The following ANKDD1B variants were observed in gnomAD, a reference collection of about 807,000 sequenced individuals.
ANKDD1B encodes ankyrin repeat and death domain-containing protein 1B.
ANKDD1B carries 57 observed loss-of-function variants against 59.7 expected under a neutral mutation model. The observed-to-expected ratio is 0.95, with a 90% CI of 0.77 to 1.19. The LOEUF (loss-of-function observed/expected upper bound fraction) is 1.19, where lower values mean the gene tolerates loss of function less well. Among genes scored for constraint, ANKDD1B ranks in the 50% most tolerant of loss-of-function variants. ANKDD1B has a pLI of 0.00. For synonymous variants in ANKDD1B, 216 were observed against 239.5 expected (o/e 0.90, Z 0.91); for missense variants, 602 against 641.9 (o/e 0.94, Z 0.67).
intron 7 of ANKDD1B, among the ~76,000 whole-genome samples, chr5:75,642,703 TA>T (rs1247119723): frequency 1.2e-4 from 12 of 103,302 alleles, no homozygotes; most frequent in Non-Finnish European, 2.0e-4. Context: ...CTTGCTTAGG[TA>T]AACAAAGCAG....
intron 7 of ANKDD1B, among the ~76,000 whole-genome samples, chr5:75,651,099 G>T (rs1254430382): frequency 1.3e-5 from 2 of 152,210 alleles, no homozygotes; most frequent in Non-Finnish European, 2.9e-5. Context: ...GCCATGCCTG[G>T]AACTGGCACG....
intron 10 of ANKDD1B, among the ~76,000 whole-genome samples, chr5:75,661,260 G>A (rs1775131512): frequency 2.0e-5 from 3 of 151,592 alleles, no homozygotes; most frequent in Admixed American, 6.6e-5. Flanking sequence ...AGCCGGGCAT[G>A]GTGATGCGCA....
chr5:75,626,732 T>C (rs866561095), intron 5 of ANKDD1B, among the ~76,000 whole-genome samples: 12 of 152,128 alleles, frequency 7.9e-5, no homozygotes, highest in Middle Eastern at 3.4e-3. Flanking sequence ...CAGTGGGTAT[T>C]GGTCATGTCA....
intron 9 of ANKDD1B, among the ~76,000 whole-genome samples, chr5:75,657,380 CTT>C (rs1325496679): frequency 1.3e-5 from 2 of 151,790 alleles, no homozygotes; most frequent in Non-Finnish European, 2.9e-5. Flanking sequence ...GCTAAAAAAA[CTT>C]AATGTGTTTG....
intron 10 of ANKDD1B, among the ~76,000 whole-genome samples, chr5:75,661,367 A>T (rs987730009): frequency 7.9e-6 from 1 of 126,720 alleles, no homozygotes; most frequent in African/African-American, 2.8e-5. Flanking sequence ...AGTGCACTCC[A>T]GTCTGGGTGA....
chr5:75,623,184 TC>T, intron 3 of ANKDD1B, among the ~76,000 whole-genome samples: 1 of 152,104 alleles, frequency 6.6e-6, no homozygotes, highest in Non-Finnish European at 1.5e-5. Context: ...GTTCAAGCGA[TC>T]CTTCCAAGTA....
intron 1 of ANKDD1B, among the ~76,000 whole-genome samples, chr5:75,612,173 T>G (rs1773579912): frequency 6.6e-6 from 1 of 152,236 alleles, no homozygotes; most frequent in Non-Finnish European, 1.5e-5. Flanking sequence ...ATTGTCTGAC[T>G]TTAAATAAGT....
chr5:75,669,806 T>C (rs1028820962), intron 13 of ANKDD1B, among the ~76,000 whole-genome samples: 14 of 152,270 alleles, frequency 9.2e-5, no homozygotes, highest in African/African-American at 3.4e-4. Flanking sequence ...AAATGTTATC[T>C]CTAGGTAGAA....
In ANKDD1B at chr5:75,635,973, G is replaced by T. The variant is rs1343168542; in HGVS notation, c.798+91G>T. Reference sequence around the variant, plus strand: ...AGAAAAGAGTGGGAGGAAAACAAAGGTGTTAGTGCCATGGAGTGTAAAATG... The same window carrying T: ...AGAAAAGAGTGGGAGGAAAACAAAGTTGTTAGTGCCATGGAGTGTAAAATG... On this transcript the variant is annotated intron_variant, in intron 7 of 13. Transcript: ENST00000601380. The T allele has an allele frequency of 1.5e-5, 11 of 750,398 alleles. No homozygotes were observed. The Admixed American group carries it at 2.5e-4, about 17-fold the overall frequency. The allele number at this position is 750,398 out of a possible 1,614,324, so 46.5% of individuals were successfully genotyped here. A position where few individuals can be genotyped will look rare whatever the true frequency, so the allele number is the denominator to read the frequency against.
chr5:75,666,994 G>T lies in ANKDD1B; in HGVS notation c.1393+1G>T, dbSNP rs1212770163. ...AGAGCCATTGAGGAGCAGTGGTCGG[G>T]TGAGTACAGACTAGATGATGTGGGC... is the stretch of plus-strand genomic sequence containing the variant. On this transcript the variant is annotated splice_donor_variant, in intron 12 of 13. Coordinates refer to ENST00000601380, the MANE Select transcript of ANKDD1B (RefSeq NM_001276713.2). LOFTEE classifies it high-confidence loss of function. 7 of 1,468,758 alleles carry T rather than the reference G, an allele frequency of 4.8e-6. No individual in the cohort carries two copies. The highest frequency in any genetic ancestry group is 1.8e-4 in the Middle Eastern group (1 of 5,560). 91.0% of individuals were successfully genotyped at this position (1,468,758 alleles called of 1,614,324 possible).
rs868295557 is a variant in ANKDD1B at position 75,616,859 on chromosome 5, T to C, written c.249T>C (p.Leu83=). Residue 83 remains leucine, a synonymous_variant, in exon 2 of 14, where the codon CTT becomes CTC. Coordinates refer to ENST00000601380, the MANE Select transcript of ANKDD1B (RefSeq NM_001276713.2). ...QNAAKSNNLD[L]MEKLFEKKVN... ...CTGCTAAAAGCAATAATTTGGATCTTATGGAGAAGCTGTTTGAAAAGAAGG... is the reference window on the plus strand; with the variant it reads ...CTGCTAAAAGCAATAATTTGGATCTCATGGAGAAGCTGTTTGAAAAGAAGG... The C allele has an allele frequency of 2.0e-6, 3 of 1,532,948 alleles. No individual in the cohort carries two copies. Among genetic ancestry groups the C allele is most frequent in the Middle Eastern group, 1.7e-4 (1 of 6,008 alleles). 95.0% of individuals were successfully genotyped at this position (1,532,948 alleles called of 1,614,324 possible). A position where few individuals can be genotyped will look rare whatever the true frequency, so the allele number is the denominator to read the frequency against.
chr5:75,636,506 C>T (rs930371718), intron 7 of ANKDD1B, among the ~76,000 whole-genome samples: 1 of 152,114 alleles, frequency 6.6e-6, no homozygotes, highest in African/African-American at 2.4e-5. Flanking sequence ...CCATGCTTTA[C>T]AAGAGGGAGG....
At chr5:75,665,070 C>T (rs1339779094) in intron 11 of ANKDD1B, among the ~76,000 whole-genome samples, 1 of 152,170 alleles carries the variant, frequency 6.6e-6, no homozygotes, top group African/African-American at 2.4e-5. Flanking sequence ...CCTAACCACC[C>T]AATCATCCAT....
intron 7 of ANKDD1B, among the ~76,000 whole-genome samples, chr5:75,647,234 A>T (rs1296751780): frequency 2.6e-5 from 3 of 116,794 alleles, no homozygotes; most frequent in Non-Finnish European, 4.8e-5. Flanking sequence ...TGGCAGCAAA[A>T]GCCAAAATTG....
At chr5:75,669,677 G>T (rs1407551056) in intron 13 of ANKDD1B, among the ~76,000 whole-genome samples, 1 of 152,136 alleles carries the variant, frequency 6.6e-6, no homozygotes, top group Non-Finnish European at 1.5e-5. Flanking sequence ...GGCAGGTGGG[G>T]TGGGGCAGAA....
chr5:75,654,253 A>G (rs1425686058), intron 8 of ANKDD1B, among the ~76,000 whole-genome samples: 9 of 152,034 alleles, frequency 5.9e-5, no homozygotes, highest in Non-Finnish European at 1.3e-4. Context: ...TCTTCCATCC[A>G]TCTACCCCCA....
At chr5:75,620,248 G>T in intron 2 of ANKDD1B, 67 bp from the exon 3 acceptor site, 1 of 787,894 alleles carries the variant, frequency 1.3e-6, no homozygotes, top group Non-Finnish European at 2.0e-6. Flanking sequence ...GGCCATTCAA[G>T]AAACAGGAAA....
intron 7 of ANKDD1B, among the ~76,000 whole-genome samples, chr5:75,638,286 G>A (rs186979282): frequency 4.6e-5 from 7 of 152,248 alleles, no homozygotes; most frequent in African/African-American, 1.7e-4. Context: ...ATAAAGCCCA[G>A]GAAACTTTAA....
chr5:75,622,886 A>G (rs957059541), intron 3 of ANKDD1B, among the ~76,000 whole-genome samples: 1 of 152,184 alleles, frequency 6.6e-6, no homozygotes, highest in Non-Finnish European at 1.5e-5. Context: ...CCTCTGAGGA[A>G]CAATGGCTCC....
Sources: gnomAD v4.1 joint callset for allele counts (sites outside exome capture counted in the v4.1 genomes callset) on GRCh38, gnomAD v4.1.1 for gene constraint, MANE v1.5 for transcripts, NCBI Gene and HGNC (gene_info 2026-07-23, HGNC 2026-07-21) for gene names.